IL4: variants seen among roughly 807,000 people sequenced by gnomAD.
The protein encoded by IL4 is interleukin 4, also known as interleukin-4.
A neutral mutation model predicts 17.4 loss-of-function variants in IL4; 10 were observed. The observed-to-expected ratio is 0.57, with a 90% CI of 0.35 to 0.97. The LOEUF is 0.97. Ranked by LOEUF, IL4 falls within the 50% of genes least tolerant of loss-of-function variation. The pLI, the probability that IL4 is intolerant of heterozygous loss-of-function variation, is 0.01. For missense variants in IL4, 174 were observed against 187.7 expected (o/e 0.93, Z 0.43); for synonymous variants, 87 against 79.0 (o/e 1.10, Z -0.54).
intron 2 of IL4, among the ~76,000 whole-genome samples, chr5:132,679,095 A>G (rs1326186561): frequency 6.6e-6 from 1 of 152,208 alleles, no homozygotes; most frequent in Non-Finnish European, 1.5e-5. Context: ...TGATCTGTGC[A>G]CTTATCTCTT....
Position 132,679,715 on chromosome 5 carries a change from A to T in IL4, c.185A>T (p.Asn62Ile). Residue 62 changes from asparagine (N) to isoleucine (I), a missense_variant and splice_region_variant, in exon 3 of 4, where the codon AAC (asparagine) becomes ATC (isoleucine). By Grantham distance (149) the Asn-to-Ile change is moderately radical. Transcript: ENST00000231449. ...TVTDIFAASK[N>I]TTEKETFCRA... The stretch of plus-strand genomic sequence containing the variant: ...TATCTGTGGCATTTGTCTTTCCAGA[A>T]CACAACTGAGAAGGAAACCTTCTGC... 6.2e-6 allele frequency: 10 copies of T among 1,611,408 alleles called. No individual in the cohort carries two copies. The highest frequency in any genetic ancestry group is 1.3e-5 in the African/African-American group (1 of 74,974).
rs752893119 is a variant in IL4, at chr5:132,679,770, C to T, written c.240C>T (p.Tyr80=). The change falls in exon 3 of 4, where the codon TAC becomes TAT. Residue 80 remains tyrosine, a synonymous_variant. Coordinates refer to ENST00000231449, the MANE Select transcript of IL4 (RefSeq NM_000589.4). ...CTGCGACTGTGCTCCGGCAGTTCTACAGCCACCATGAGAAGGACACTCGCT... is the reference window on the plus strand; with the variant it reads ...CTGCGACTGTGCTCCGGCAGTTCTATAGCCACCATGAGAAGGACACTCGCT... ...CRAATVLRQF[Y]SHHEKDTRCL... The T allele has an allele frequency of 1.2e-5, 19 of 1,614,030 alleles. No individual in the cohort carries two copies. The highest frequency in any genetic ancestry group is 3.3e-5 in the South Asian group (3 of 91,078).
At chr5:132,677,813 A>C (rs1752409035) in intron 2 of IL4, 2 of 152,302 alleles carry the variant, frequency 1.3e-5, no homozygotes, top group South Asian at 4.1e-4. Flanking sequence ...CCAGACACAC[A>C]GGCACCATCT....
At chr5:132,674,220 T>C (rs756120377) in intron 1 of IL4, 35 bp downstream of exon 1, 16 of 1,605,910 alleles carry the variant, frequency 1.0e-5, no homozygotes, top group Non-Finnish European at 1.4e-5. Flanking sequence ...CTCCAGATGT[T>C]CTGGTGATGC....
intron 3 of IL4, among the ~76,000 whole-genome samples, chr5:132,681,380 C>G (rs1489430674): frequency 1.3e-5 from 2 of 152,108 alleles, no homozygotes; most frequent in African/African-American, 4.8e-5. Context: ...AGAAAGGCCC[C>G]TGGGTTTGGC....
chr5:132,682,601 T>A lies in IL4; in HGVS notation c.*14T>A, dbSNP rs1561679308. On this transcript the variant is annotated 3_prime_UTR_variant, in exon 4 of 4. Transcript: ENST00000231449. ...TGTTCGAGCTGAATATTTTAATTTATGAGTTTTTGATAGCTTTATTTTTTA... is the reference window on the plus strand; with the variant it reads ...TGTTCGAGCTGAATATTTTAATTTAAGAGTTTTTGATAGCTTTATTTTTTA... The A allele has an allele frequency of 2.2e-6, 3 of 1,371,346 alleles. No homozygotes were observed. The highest frequency in any genetic ancestry group is 4.6e-5 in the East Asian group (2 of 43,330). The allele number at this position is 1,371,346 out of a possible 1,614,324, so 84.9% of individuals were successfully genotyped here.
At chr5:132,678,657 T>C (rs1354845481) in intron 2 of IL4, among the ~76,000 whole-genome samples, 1 of 152,184 alleles carries the variant, frequency 6.6e-6, no homozygotes, top group Non-Finnish European at 1.5e-5. Context: ...CCCAGTGATG[T>C]CCATGCTGCT....
At chr5:132,682,252 A>C (rs2243288) in intron 3 of IL4, among the ~76,000 whole-genome samples, 1 of 150,046 alleles carries the variant, frequency 6.7e-6, no homozygotes, top group Non-Finnish European at 1.5e-5. Context: ...CACCCACCCC[A>C]AAAGCAGATA....
At chr5:132,676,683 T>C (rs1343677395) in intron 2 of IL4, among the ~76,000 whole-genome samples, 1 of 152,358 alleles carries the variant, frequency 6.6e-6, no homozygotes, top group East Asian at 1.9e-4. Flanking sequence ...CACTGCTTAC[T>C]TACATGTTAA....
At chr5:132,674,616 G>A (rs953304440) in intron 2 of IL4, 110 bp downstream of exon 2, 5 of 811,270 alleles carry the variant, frequency 6.2e-6, no homozygotes, top group African/African-American at 5.1e-5. Context: ...TAACTCTAAG[G>A]TGTTAGATGT....
chr5:132,674,252 A>G, intron 1 of IL4, 67 bp downstream of exon 1: 1 of 1,566,614 alleles, frequency 6.4e-7, no homozygotes, highest in South Asian at 1.1e-5. Flanking sequence ...CTAGGCATGA[A>G]AACGTTAACA....
chr5:132,675,853 G>GTGTC (rs1554103174), intron 2 of IL4, among the ~76,000 whole-genome samples: 1 of 34,892 alleles, frequency 2.9e-5, no homozygotes. Flanking sequence ...CAGTTTATGT[G>GTGTC]TGTGTGTGTG....
At chr5:132,681,004 A>G (rs759094248) in intron 3 of IL4, among the ~76,000 whole-genome samples, 1 of 152,186 alleles carries the variant, frequency 6.6e-6, no homozygotes, top group Non-Finnish European at 1.5e-5. Flanking sequence ...GAAGATCAAG[A>G]GTTCAATTTT....
chr5:132,679,817 A>T lies in IL4; in HGVS notation c.287A>T (p.Gln96Leu), dbSNP rs1376717895. Residue 96 changes from glutamine (Q) to leucine (L), a missense_variant, in exon 3 of 4, where the codon CAG becomes CTG. Coordinates refer to ENST00000231449, the MANE Select transcript of IL4 (RefSeq NM_000589.4). ...CGCTGCCTGGGTGCGACTGCACAGC[A>T]GTTCCACAGGCACAAGCAGCTGATC... Reference protein sequence around the residue: ...DTRCLGATAQQFHRHKQLIRF... With the variant: ...DTRCLGATAQLFHRHKQLIRF... 6.2e-7 allele frequency: 1 copy of T among 1,613,904 alleles called. No homozygotes were observed. Among genetic ancestry groups the T allele is most frequent in the Non-Finnish European group, 8.5e-7 (1 of 1,179,958 alleles).
chr5:132,681,970 A>G (rs1185027661), intron 3 of IL4, among the ~76,000 whole-genome samples: 1 of 152,220 alleles, frequency 6.6e-6, no homozygotes, highest in African/African-American at 2.4e-5. Context: ...AAGCAATACA[A>G]TTAATAAATG....
Position 132,682,575 on chromosome 5 carries a change from G to C in IL4, c.450G>C (p.Lys150Asn). 6.3e-7 allele frequency: 1 copy of C among 1,581,418 alleles called. No homozygotes were observed. Among genetic ancestry groups the C allele is most frequent in the Non-Finnish European group, 8.7e-7 (1 of 1,152,440 alleles). Residue 150 changes from lysine to asparagine, a missense_variant, in exon 4 of 4, where the codon AAG becomes AAC. Coordinates refer to ENST00000231449, the MANE Select transcript of IL4 (RefSeq NM_000589.4). ...LKTIMREKYS[K>N]CSS ...CGATCATGAGAGAGAAATATTCAAA[G>C]TGTTCGAGCTGAATATTTTAATTTA...
intron 2 of IL4, among the ~76,000 whole-genome samples, chr5:132,676,198 A>G (rs1256835782): frequency 6.6e-6 from 1 of 152,188 alleles, no homozygotes; most frequent in Non-Finnish European, 1.5e-5. Context: ...GCTGGCCTTC[A>G]GCACATCTTC....
Position 132,679,721 on chromosome 5 carries a change from C to A in IL4, c.191C>A (p.Thr64Asn), listed in dbSNP as rs1047696325. 1.2e-6 allele frequency: 2 copies of A among 1,612,522 alleles called. No individual in the cohort carries two copies. The highest frequency in any genetic ancestry group is 1.7e-6 in the Non-Finnish European group (2 of 1,179,272). ...TDIFAASKNT[T>N]EKETFCRAAT... ...TGGCATTTGTCTTTCCAGAACACAA[C>A]TGAGAAGGAAACCTTCTGCAGGGCT... Residue 64 changes from threonine to asparagine, a missense_variant, in exon 3 of 4, where the codon ACT becomes AAT. Transcript: ENST00000231449.
chr5:132,681,261 CAGG>C (rs1439412780), intron 3 of IL4, among the ~76,000 whole-genome samples: 1 of 152,068 alleles, frequency 6.6e-6, no homozygotes, highest in South Asian at 2.1e-4. Flanking sequence ...ACCAGTGAGG[CAGG>C]AGAACACTGG....
Sources: allele counts gnomAD v4.1 joint callset (sites outside exome capture counted in the v4.1 genomes callset), GRCh38; gene constraint gnomAD v4.1.1; transcripts MANE v1.5; gene names NCBI Gene and HGNC (gene_info 2026-07-23, HGNC 2026-07-21).